CNTNAP5: variants seen among roughly 807,000 people sequenced by gnomAD.
CNTNAP5 encodes contactin associated protein family member 5.
CNTNAP5 carries 72 observed loss-of-function variants against 150.2 expected under a neutral mutation model. The ratio of observed to expected loss-of-function variants is 0.48; its 90% CI spans 0.40 to 0.58. CNTNAP5 has a LOEUF of 0.58. Among genes scored for constraint, CNTNAP5 ranks in the 20% least tolerant of loss-of-function variants. CNTNAP5 has a pLI of 0.00. For synonymous variants in CNTNAP5, 672 were observed against 619.8 expected (o/e 1.08, Z -1.25); for missense variants, 1,636 against 1,626.2 (o/e 1.01, Z -0.10).
chr2:124,424,916 G>C (rs780236859), intron 4 of CNTNAP5, among the ~76,000 whole-genome samples: 5 of 152,190 alleles, frequency 3.3e-5, no homozygotes, highest in Non-Finnish European at 7.3e-5. Flanking sequence ...ACTGTTTCCT[G>C]ATGAATTAAT....
intron 3 of CNTNAP5, among the ~76,000 whole-genome samples, chr2:124,380,021 A>G (rs1690748099): frequency 6.6e-6 from 1 of 152,164 alleles, no homozygotes; most frequent in Non-Finnish European, 1.5e-5. Context: ...TTTCTTAAAA[A>G]TGATTCTCTG....
intron 11 of CNTNAP5, among the ~76,000 whole-genome samples, chr2:124,577,800 A>G (rs980367510): frequency 6.6e-6 from 1 of 152,168 alleles, no homozygotes; most frequent in Non-Finnish European, 1.5e-5. Context: ...GGATCTGCAC[A>G]GACAGAGAAT....
chr2:124,563,095 G>A (rs1695931826), intron 10 of CNTNAP5, 122 bp from the exon 11 acceptor site: 4 of 645,678 alleles, frequency 6.2e-6, no homozygotes, highest in Non-Finnish European at 8.4e-6. Context: ...CCTTAGGTAT[G>A]GGAGTATAGC....
intron 11 of CNTNAP5, among the ~76,000 whole-genome samples, chr2:124,609,191 G>T (rs773709530): frequency 6.6e-6 from 1 of 152,162 alleles, no homozygotes; most frequent in Admixed American, 6.5e-5. Flanking sequence ...AAGGAGGAAG[G>T]TCATAGAGAT....
At chr2:124,740,982 A>G (rs924023545) in intron 13 of CNTNAP5, among the ~76,000 whole-genome samples, 2 of 152,174 alleles carry the variant, frequency 1.3e-5, no homozygotes, top group African/African-American at 2.4e-5. Context: ...TAGCAAGGCC[A>G]AGCCTCACAT....
chr2:124,788,648 T>C (rs1681651748), intron 17 of CNTNAP5, among the ~76,000 whole-genome samples: 1 of 150,090 alleles, frequency 6.7e-6, no homozygotes, highest in Non-Finnish European at 1.5e-5. Context: ...TGGCCCAGGC[T>C]GGAATGCAAT....
At chr2:124,038,757 A>G (rs538006582) in intron 1 of CNTNAP5, among the ~76,000 whole-genome samples, 8 of 152,330 alleles carry the variant, frequency 5.3e-5, no homozygotes, top group Admixed American at 1.3e-4. Flanking sequence ...TCATGTAGGT[A>G]CCGTGTGAAG....
intron 3 of CNTNAP5, among the ~76,000 whole-genome samples, chr2:124,376,568 G>A (rs1386488009): frequency 6.6e-6 from 1 of 152,070 alleles, no homozygotes; most frequent in Non-Finnish European, 1.5e-5. Context: ...TACCGTGTGT[G>A]TGTGAGTGTG....
intron 3 of CNTNAP5, among the ~76,000 whole-genome samples, chr2:124,391,849 G>A (rs1363272906): frequency 1.3e-5 from 2 of 152,122 alleles, no homozygotes; most frequent in African/African-American, 4.8e-5. Flanking sequence ...CCAGCTACTC[G>A]GGAGGCTGAG....
At chr2:124,072,902 GCTAT>G (rs1682343383) in intron 1 of CNTNAP5, among the ~76,000 whole-genome samples, 1 of 151,908 alleles carries the variant, frequency 6.6e-6, no homozygotes, top group Non-Finnish European at 1.5e-5. Flanking sequence ...AATAGCCAAA[GCTAT>G]CTCAGCAAAA....
chr2:124,906,890 A>G (rs1341275440), intron 22 of CNTNAP5, among the ~76,000 whole-genome samples: 7 of 152,056 alleles, frequency 4.6e-5, no homozygotes, highest in African/African-American at 1.7e-4. Context: ...TATTCATCAC[A>G]CATCTTTTAA....
intron 12 of CNTNAP5, among the ~76,000 whole-genome samples, chr2:124,628,493 A>G (rs925846888): frequency 6.6e-6 from 1 of 152,156 alleles, no homozygotes; most frequent in Non-Finnish European, 1.5e-5. Flanking sequence ...AAAAAGTAAA[A>G]TCTTTTTCAG....
intron 12 of CNTNAP5, among the ~76,000 whole-genome samples, chr2:124,627,559 C>G (rs1677754721): frequency 2.0e-5 from 3 of 149,560 alleles, no homozygotes; most frequent in African/African-American, 7.3e-5. Flanking sequence ...AAACCCCATC[C>G]AAAGTTATCA....
At chr2:124,682,111 G>T (rs1318557289) in intron 13 of CNTNAP5, among the ~76,000 whole-genome samples, 1 of 152,128 alleles carries the variant, frequency 6.6e-6, no homozygotes, top group Non-Finnish European at 1.5e-5. Context: ...TGAGTGATTG[G>T]TGCTCTCTTC....
At chr2:124,042,817 T>TCTAA (rs1157517245) in intron 1 of CNTNAP5, among the ~76,000 whole-genome samples, 2 of 151,530 alleles carry the variant, frequency 1.3e-5, no homozygotes, top group Non-Finnish European at 2.9e-5. Context: ...TATCTATCTA[T>TCTAA]CTATCTATCT....
At chr2:124,609,647 G>A (rs191477513) in intron 11 of CNTNAP5, among the ~76,000 whole-genome samples, 154 bp from the exon 12 acceptor site, 35 of 152,232 alleles carry the variant, frequency 2.3e-4, no homozygotes, top group African/African-American at 8.2e-4. Flanking sequence ...TCAAGCCACT[G>A]GTACTGGTGT....
intron 4 of CNTNAP5, among the ~76,000 whole-genome samples, chr2:124,432,241 C>T (rs1692409739): frequency 6.6e-6 from 1 of 152,192 alleles, no homozygotes; most frequent in South Asian, 2.1e-4. Flanking sequence ...GCTTCAAAGA[C>T]ACCATGTGTG....
Position 124,637,263 on chromosome 2 carries a change from C to T in CNTNAP5, c.1877-10495C>T, listed in dbSNP as rs1677990576. Among the ~76,000 whole-genome samples the T allele has an allele frequency of 2.0e-5, 3 of 152,252 alleles. No individual in the cohort carries two copies. In the South Asian group the frequency reaches 6.2e-4, roughly 32 times the overall value. On this transcript the variant is annotated intron_variant, in intron 12 of 23. Coordinates refer to ENST00000682447, the MANE Select transcript of CNTNAP5 (RefSeq NM_001367498.1). Reference sequence around the variant, plus strand: ...TCTGGAAGGCCCAACTCCCTGACCCCTTCTTTTTGCTTTTGTTGTTGTTGT... The same window carrying T: ...TCTGGAAGGCCCAACTCCCTGACCCTTTCTTTTTGCTTTTGTTGTTGTTGT...
In CNTNAP5 at chr2:124,764,216, C is replaced by T. The variant is rs565713870; in HGVS notation, c.2533+69C>T. 45 of 1,251,556 alleles carry T rather than the reference C, an allele frequency of 3.6e-5. 1 individual carries two copies. In the African/African-American group the frequency reaches 4.9e-4, roughly 14 times the overall value. 77.5% of individuals were successfully genotyped at this position (1,251,556 alleles called of 1,614,324 possible). A position where few individuals can be genotyped will look rare whatever the true frequency, so the allele number is the denominator to read the frequency against. On this transcript the variant is annotated intron_variant, in intron 16 of 23. Coordinates refer to ENST00000682447, the MANE Select transcript of CNTNAP5 (RefSeq NM_001367498.1). ...CAAGTTTTAGTCTTGTTTTTGCCAC[C>T]AGTCACTAGTGGGCATTTGTACCAG...
Sources: allele counts gnomAD v4.1 joint callset (sites outside exome capture counted in the v4.1 genomes callset), GRCh38; gene constraint gnomAD v4.1.1; transcripts MANE v1.5; gene names NCBI Gene and HGNC (gene_info 2026-07-23, HGNC 2026-07-21).